HPGDS: variants seen among roughly 807,000 people sequenced by gnomAD.
HPGDS encodes hematopoietic prostaglandin D synthase.
In HPGDS, 26 loss-of-function variants were observed where a neutral mutation model predicts 23.1. The observed-to-expected ratio is 1.13, with a 90% CI of 0.83 to 1.56. HPGDS has a LOEUF of 1.56. HPGDS is among the 40% of genes most tolerant of loss of function. The pLI is 0.00. For synonymous variants in HPGDS, 95 were observed against 77.9 expected (o/e 1.22, Z -1.16); for missense variants, 268 against 236.4 (o/e 1.13, Z -0.88).
intron 1 of HPGDS, among the ~76,000 whole-genome samples, chr4:94,337,401 G>A (rs2126046639): frequency 6.6e-6 from 1 of 152,012 alleles, no homozygotes; most frequent in Non-Finnish European, 1.5e-5. Flanking sequence ...ATTACGTGGG[G>A]CACCATGGCT....
chr4:94,301,315 A>G (rs1426683062), intron 5 of HPGDS, among the ~76,000 whole-genome samples: 1 of 152,188 alleles, frequency 6.6e-6, no homozygotes, highest in Non-Finnish European at 1.5e-5. Context: ...ACTAGGTGGT[A>G]GTGTGCCTAG....
intron 4 of HPGDS, among the ~76,000 whole-genome samples, chr4:94,307,494 G>A (rs146676359): frequency 6.6e-6 from 1 of 152,112 alleles, no homozygotes; most frequent in Non-Finnish European, 1.5e-5. Flanking sequence ...TAGAGGATGT[G>A]CCCCCAAATA....
At chr4:94,316,302 T>C (rs185462131) in intron 3 of HPGDS, among the ~76,000 whole-genome samples, 6 of 152,342 alleles carry the variant, frequency 3.9e-5, no homozygotes, top group Non-Finnish European at 1.5e-5. Flanking sequence ...ACTCTGTCTA[T>C]GCTGTTCCTC....
intron 2 of HPGDS, among the ~76,000 whole-genome samples, chr4:94,318,508 G>A (rs1368315365): frequency 3.9e-5 from 6 of 152,094 alleles, no homozygotes; most frequent in African/African-American, 1.4e-4. Flanking sequence ...GGACCATGTT[G>A]TTTAATTTCC....
At chr4:94,340,845 C>T (rs147113176) in intron 1 of HPGDS, among the ~76,000 whole-genome samples, 70 of 97,066 alleles carry the variant, frequency 7.2e-4, no homozygotes, top group African/African-American at 1.3e-3. Context: ...TTTTTTTTTT[C>T]TTTCTTTTTT....
chr4:94,340,928 T>C (rs1255190227), intron 1 of HPGDS, among the ~76,000 whole-genome samples: 2 of 143,154 alleles, frequency 1.4e-5, no homozygotes, highest in Non-Finnish European at 3.0e-5. Context: ...CACTGCAGCA[T>C]CCGCCTCCCG....
intron 2 of HPGDS, among the ~76,000 whole-genome samples, chr4:94,320,795 T>C (rs528389518): frequency 6.8e-4 from 103 of 152,332 alleles, no homozygotes; most frequent in Middle Eastern, 6.8e-3. Flanking sequence ...TTTTGGCTTT[T>C]GTTGCCATTG....
chr4:94,300,284 AAT>A (rs1560582362), intron 5 of HPGDS, among the ~76,000 whole-genome samples: 1 of 152,214 alleles, frequency 6.6e-6, no homozygotes, highest in East Asian at 1.9e-4. Flanking sequence ...ACATAAAAAG[AAT>A]ATATGGATGT....
rs1306816338 is a variant in HPGDS, at chr4:94,317,883, G to T, written c.216C>A (p.Thr72=). ...HQSLAIARYL[T]KNTDLAGNTE... is the part of the protein sequence containing the mutation. Reference sequence around the variant, plus strand: ...CAATAAACATGTTACCTGTGTTTTTGGTCAAATATCTTGCTATTGCTAGGC... The same window carrying T: ...CAATAAACATGTTACCTGTGTTTTTTGTCAAATATCTTGCTATTGCTAGGC... Residue 72 remains threonine, a synonymous_variant, in exon 3 of 6, where the codon ACC becomes ACA. Transcript: ENST00000295256. The T allele has an allele frequency of 1.1e-5, 17 of 1,598,942 alleles. No individual in the cohort carries two copies. Among genetic ancestry groups the T allele is most frequent in the Non-Finnish European group, 1.5e-5 (17 of 1,168,044 alleles).
chr4:94,307,068 T>C (rs1560584575), intron 4 of HPGDS, among the ~76,000 whole-genome samples: 1 of 151,996 alleles, frequency 6.6e-6, no homozygotes, highest in African/African-American at 2.4e-5. Flanking sequence ...ATACAAAAGG[T>C]CAGTAATTAC....
chr4:94,326,003 A>T (rs1480640668), intron 2 of HPGDS, among the ~76,000 whole-genome samples: 2 of 150,294 alleles, frequency 1.3e-5, no homozygotes, highest in Non-Finnish European at 3.0e-5. Flanking sequence ...CAGCACTTTG[A>T]ACATATCATT....
intron 4 of HPGDS, among the ~76,000 whole-genome samples, chr4:94,305,273 T>G (rs1393785513): frequency 6.6e-6 from 1 of 152,074 alleles, no homozygotes; most frequent in Non-Finnish European, 1.5e-5. Context: ...ACCTGGCAGT[T>G]TGACTCCAGA....
chr4:94,307,615 C>A (rs1295614804), intron 4 of HPGDS, among the ~76,000 whole-genome samples: 1 of 152,094 alleles, frequency 6.6e-6, no homozygotes, highest in Non-Finnish European at 1.5e-5. Flanking sequence ...GACAGCTGTG[C>A]AGAAAACCTG....
chr4:94,335,788 T>C (rs1160179454), intron 1 of HPGDS, among the ~76,000 whole-genome samples: 1 of 152,256 alleles, frequency 6.6e-6, no homozygotes, highest in Non-Finnish European at 1.5e-5. Flanking sequence ...GATGATTATT[T>C]ATTTAAAGTG....
intron 1 of HPGDS, among the ~76,000 whole-genome samples, chr4:94,336,959 C>T (rs975223786): frequency 3.3e-5 from 5 of 151,608 alleles, no homozygotes; most frequent in Admixed American, 2.0e-4. Context: ...CGTTTTGTTT[C>T]GTTTTGTTTC....
At chr4:94,307,503 T>A (rs1756160813) in intron 4 of HPGDS, among the ~76,000 whole-genome samples, 1 of 151,898 alleles carries the variant, frequency 6.6e-6, no homozygotes, top group Non-Finnish European at 1.5e-5. Flanking sequence ...TGCCCCCAAA[T>A]AAACAATGGA....
intron 4 of HPGDS, among the ~76,000 whole-genome samples, chr4:94,305,164 ATACT>A (rs561364255): frequency 1.3e-5 from 2 of 152,242 alleles, no homozygotes; most frequent in East Asian, 3.9e-4. Flanking sequence ...TCCTGCCAAC[ATACT>A]TCAAAGTAGA....
At chr4:94,334,720 C>T in intron 1 of HPGDS, 82 bp from the exon 2 acceptor site, 2 of 1,276,890 alleles carry the variant, frequency 1.6e-6, no homozygotes, top group Admixed American at 2.4e-5. Context: ...TTTTGGAAAA[C>T]TTTATGGCAT....
intron 2 of HPGDS, among the ~76,000 whole-genome samples, chr4:94,324,072 A>T (rs904789090): frequency 6.6e-6 from 1 of 152,216 alleles, no homozygotes; most frequent in Non-Finnish European, 1.5e-5. Context: ...TTATTTAAGC[A>T]TGTTGAATAT....
Sources: allele counts gnomAD v4.1 joint callset (sites outside exome capture counted in the v4.1 genomes callset), GRCh38; gene constraint gnomAD v4.1.1; transcripts MANE v1.5; gene names NCBI Gene and HGNC (gene_info 2026-07-23, HGNC 2026-07-21).